Variants in FRMPD4 observed in about 807,000 individuals in gnomAD.
FRMPD4 encodes the protein FERM and PDZ domain containing 4.
In FRMPD4, 22 loss-of-function variants were observed where a neutral mutation model predicts 94.1. The observed-to-expected ratio is 0.23, with a 90% CI of 0.17 to 0.33. The LOEUF is 0.33. Ranked by LOEUF, FRMPD4 falls within the 10% of genes least tolerant of loss-of-function variation. The pLI is 1.00. For missense variants in FRMPD4, 1,111 were observed against 1,339.9 expected (o/e 0.83, Z 2.67); for synonymous variants, 631 against 548.6 (o/e 1.15, Z -2.10).
intron 2 of FRMPD4, among the ~76,000 whole-genome samples, chrX:11,868,405 T>G (rs1476970006): frequency 8.9e-6 from 1 of 111,947 alleles, no homozygotes; most frequent in Non-Finnish European, 1.9e-5. Flanking sequence ...GGCTCACATC[T>G]GGTTATAAGA....
At chrX:12,077,592 G>A (rs764420983) in intron 3 of FRMPD4, among the ~76,000 whole-genome samples, 28 of 111,989 alleles carry the variant, frequency 2.5e-4, no homozygotes, top group African/African-American at 8.4e-4. Flanking sequence ...GGGCTGACCT[G>A]TCCACTTTGC....
intron 2 of FRMPD4, among the ~76,000 whole-genome samples, chrX:12,550,015 T>A (rs887524967): frequency 1.8e-5 from 2 of 112,062 alleles, no homozygotes; most frequent in African/African-American, 6.5e-5. Flanking sequence ...CCAACATATC[T>A]AATATACAAA....
At chrX:12,091,395 T>C (rs1336482623) in intron 3 of FRMPD4, among the ~76,000 whole-genome samples, 1 of 112,213 alleles carries the variant, frequency 8.9e-6, no homozygotes, top group East Asian at 2.8e-4. Flanking sequence ...ACTCTGCCAC[T>C]GTAATAGGAA....
chrX:12,210,695 G>A (rs1569192864), intron 1 of FRMPD4, among the ~76,000 whole-genome samples: 1 of 110,462 alleles, frequency 9.1e-6, no homozygotes, highest in East Asian at 2.8e-4. Context: ...CAGTCATCAT[G>A]TGTTAATACT....
chrX:12,263,424 G>A (rs953227726), intron 1 of FRMPD4, among the ~76,000 whole-genome samples: 1 of 111,657 alleles, frequency 9.0e-6, no homozygotes, highest in African/African-American at 3.3e-5. Flanking sequence ...AGTGAGGTAG[G>A]GACATCAGAT....
intron 1 of FRMPD4, among the ~76,000 whole-genome samples, chrX:12,338,129 T>C (rs1405420413): frequency 8.9e-6 from 1 of 112,004 alleles, no homozygotes; most frequent in Non-Finnish European, 1.9e-5. Context: ...ATCCCATTTA[T>C]GAGGGTGGAC....
At chrX:12,599,940 G>A (rs763394843) in intron 2 of FRMPD4, among the ~76,000 whole-genome samples, 1 of 111,160 alleles carries the variant, frequency 9.0e-6, no homozygotes. Context: ...TGAAATGAAG[G>A]TAAAATATAC....
At chrX:12,557,463 A>G (rs1416247096) in intron 2 of FRMPD4, among the ~76,000 whole-genome samples, 1 of 112,446 alleles carries the variant, frequency 8.9e-6, no homozygotes, top group Non-Finnish European at 1.9e-5. Context: ...CCCCAACAAA[A>G]GACAGTTTTT....
intron 3 of FRMPD4, among the ~76,000 whole-genome samples, chrX:12,103,691 G>A (rs960225293): frequency 9.0e-6 from 1 of 111,636 alleles, no homozygotes; most frequent in African/African-American, 3.3e-5. Flanking sequence ...TAATGCAAAA[G>A]TAAATATATA....
rs557697865 is a variant in FRMPD4, at chrX:12,625,248, A to G, written c.422+10367A>G. ...ATATGGAGGTTCCTCAAAAAACTAAAAATAGAACTACCATATTATCCAGCA... is the reference window on the plus strand; with the variant it reads ...ATATGGAGGTTCCTCAAAAAACTAAGAATAGAACTACCATATTATCCAGCA... On this transcript the variant is annotated intron_variant, in intron 4 of 16. Coordinates refer to ENST00000675598, the MANE Select transcript of FRMPD4 (RefSeq NM_001368397.1). Among the ~76,000 whole-genome samples the G allele has an allele frequency of 5.6e-4, 63 of 111,601 alleles. No homozygotes were observed. The South Asian group carries it at 0.021, about 38-fold the overall frequency.
chrX:12,664,100 G>A (rs929457311), intron 4 of FRMPD4, among the ~76,000 whole-genome samples: 1 of 111,952 alleles, frequency 8.9e-6, no homozygotes, highest in African/African-American at 3.2e-5. Context: ...AGACGCTTTT[G>A]GGCTGAGACA....
At chrX:11,872,474 C>T (rs1432000242) in intron 2 of FRMPD4, among the ~76,000 whole-genome samples, 1 of 112,016 alleles carries the variant, frequency 8.9e-6, no homozygotes, top group Non-Finnish European at 1.9e-5. Flanking sequence ...TTATTTCTAA[C>T]TATAAGTTCA....
intron 3 of FRMPD4, among the ~76,000 whole-genome samples, chrX:12,047,608 T>G (rs370057419): frequency 8.9e-6 from 1 of 111,784 alleles, no homozygotes; most frequent in African/African-American, 3.3e-5. Flanking sequence ...ATCACCCAGA[T>G]AGTGAGCATA....
At chrX:12,466,909 G>A (rs931437836) in intron 1 of FRMPD4, among the ~76,000 whole-genome samples, 2 of 112,003 alleles carry the variant, frequency 1.8e-5, no homozygotes, top group Admixed American at 9.5e-5. Flanking sequence ...TTTTTAACCA[G>A]TGTTGATATG....
intron 1 of FRMPD4, among the ~76,000 whole-genome samples, chrX:12,248,053 C>T (rs1281986051): frequency 1.8e-5 from 2 of 112,111 alleles, no homozygotes; most frequent in African/African-American, 6.5e-5. Flanking sequence ...TTCTTTTATA[C>T]CATGTATTGT....
intron 1 of FRMPD4, among the ~76,000 whole-genome samples, chrX:12,305,725 G>GTTTTTTTTTGTTTTTTT (rs563804861): frequency 5.0e-5 from 3 of 59,721 alleles, no homozygotes; most frequent in African/African-American, 2.3e-4. Context: ...AGCTGGCTAA[G>GTTTTTTTTTGTTTTTTT]TTTTTTTTTT....
At chrX:11,970,410 T>A (rs752848468) in intron 3 of FRMPD4, among the ~76,000 whole-genome samples, 1 of 112,290 alleles carries the variant, frequency 8.9e-6, no homozygotes, top group South Asian at 3.7e-4. Context: ...CTCTTCTGCC[T>A]TTCCATTGTC....
intron 4 of FRMPD4, among the ~76,000 whole-genome samples, chrX:12,631,812 G>T (rs1482090262): frequency 9.0e-6 from 1 of 111,490 alleles, no homozygotes; most frequent in Non-Finnish European, 1.9e-5. Flanking sequence ...CTAACCTCTG[G>T]GTTCTCAACC....
At chrX:12,416,083 A>G (rs1015544650) in intron 1 of FRMPD4, among the ~76,000 whole-genome samples, 15 of 111,500 alleles carry the variant, frequency 1.3e-4, no homozygotes, top group Non-Finnish European at 1.9e-4. Flanking sequence ...GTGAGCATCT[A>G]TTTTGCTCTG....
Sources: gnomAD v4.1 joint callset for allele counts (sites outside exome capture counted in the v4.1 genomes callset) on GRCh38, gnomAD v4.1.1 for gene constraint, MANE v1.5 for transcripts, NCBI Gene and HGNC (gene_info 2026-07-23, HGNC 2026-07-21) for gene names.